The following KNTC1 variants were observed in gnomAD, a reference collection of about 807,000 sequenced individuals.
The protein encoded by KNTC1 is kinetochore-associated protein 1.
KNTC1 carries 253 observed loss-of-function variants against 314.4 expected under a neutral mutation model. That is an observed-to-expected ratio of 0.80 (90% CI 0.73 to 0.89). The LOEUF (loss-of-function observed/expected upper bound fraction) is 0.89. Ranked by LOEUF, KNTC1 falls within the 40% of genes least tolerant of loss-of-function variation. KNTC1 has a pLI of 0.00. For synonymous variants in KNTC1, 901 were observed against 901.4 expected, an observed-to-expected ratio of 1.00 and a Z score of 0.01; for missense variants, 2,475 against 2,572.9, an observed-to-expected ratio of 0.96 and a Z score of 0.82.
chr12:122,565,411 C>T (rs977156349), intron 20 of KNTC1, among the ~76,000 whole-genome samples: 5 of 151,836 alleles, frequency 3.3e-5, no homozygotes, highest in African/African-American at 9.7e-5. Flanking sequence ...TGAGCCACCA[C>T]GCCTGGACCG....
At chr12:122,542,829 A>G (rs1364310947) in intron 6 of KNTC1, among the ~76,000 whole-genome samples, 1 of 152,186 alleles carries the variant, frequency 6.6e-6, no homozygotes, top group East Asian at 1.9e-4. Flanking sequence ...AGTCTGGACC[A>G]TTTATCCCTC....
intron 21 of KNTC1, among the ~76,000 whole-genome samples, 186 bp from the exon 22 acceptor site, chr12:122,569,495 C>G (rs533997996): frequency 6.6e-6 from 1 of 152,140 alleles, no homozygotes; most frequent in Non-Finnish European, 1.5e-5. Context: ...CACTCAGCGC[C>G]GTGACATTGC....
rs577394490 is a variant in KNTC1, at chr12:122,568,158, T to C, written c.1605-103T>C. 9.1e-6 allele frequency: 6 copies of C among 656,076 alleles called. No homozygotes were observed. In the South Asian group the frequency reaches 1.2e-4, roughly 13 times the overall value. The allele number at this position is 656,076 out of a possible 1,614,324, so 40.6% of individuals were successfully genotyped here. ...TTTTAGTTTTTTGTTTTTACCTTTATGAAGAAGAAAACTAATTAAAATGCA... is the reference window on the plus strand; with the variant it reads ...TTTTAGTTTTTTGTTTTTACCTTTACGAAGAAGAAAACTAATTAAAATGCA... On this transcript the variant is annotated intron_variant, in intron 20 of 63. Transcript: ENST00000333479.
chr12:122,559,799 T>C (rs1963858897), intron 18 of KNTC1, among the ~76,000 whole-genome samples: 1 of 152,172 alleles, frequency 6.6e-6, no homozygotes, highest in Non-Finnish European at 1.5e-5. Context: ...GGTCTTGAAC[T>C]CCTGACCTCA....
chr12:122,604,482 T>C (rs748699136), intron 48 of KNTC1, 82 bp from the exon 49 acceptor site: 5 of 794,018 alleles, frequency 6.3e-6, no homozygotes, highest in South Asian at 5.7e-5. Context: ...AAAAAGTTGC[T>C]AATTTGACCA....
At chr12:122,586,497 T>C (rs560399022) in intron 37 of KNTC1, among the ~76,000 whole-genome samples, 167 of 152,254 alleles carry the variant, frequency 1.1e-3, no homozygotes, top group Non-Finnish European at 2.2e-3. Flanking sequence ...CAGTTCGCTT[T>C]AGAACTTTTT....
At chr12:122,559,569 TA>T (rs954997978) in intron 18 of KNTC1, among the ~76,000 whole-genome samples, 12 of 132,562 alleles carry the variant, frequency 9.1e-5, no homozygotes, top group Admixed American at 4.9e-4. Context: ...TTCACCTTTT[TA>T]AAAAAAAATA....
At chr12:122,619,614 G>C (rs937736264) in intron 59 of KNTC1, among the ~76,000 whole-genome samples, 9 of 151,816 alleles carry the variant, frequency 5.9e-5, no homozygotes, top group South Asian at 2.1e-4. Context: ...GGGTTTCTCC[G>C]TGTTAGCCAG....
intron 44 of KNTC1, among the ~76,000 whole-genome samples, chr12:122,598,621 G>A (rs2342083): frequency 0.96 from 145,391 of 151,914 alleles, 69,684 homozygotes; most frequent in East Asian, 1. Flanking sequence ...GAATTTCACC[G>A]TGTTGTCCAG....
chr12:122,618,593 A>G (rs946510312), intron 59 of KNTC1, 48 bp downstream of exon 59: 15 of 1,405,318 alleles, frequency 1.1e-5, no homozygotes, highest in Non-Finnish European at 1.5e-5. Context: ...TTTGTTGCTT[A>G]TAAGATTCCC....
In KNTC1 at chr12:122,576,912, T is replaced by C; in HGVS notation, c.2604T>C (p.Ile868=). The C allele has an allele frequency of 1.3e-6, 2 of 1,588,806 alleles. No homozygotes were observed. The highest frequency in any genetic ancestry group is 2.7e-5 in the African/African-American group (2 of 73,438). The part of the protein sequence containing the change: ...NKEIMRVVRY[I]LKQDVPSSLE... Reference sequence around the variant, plus strand: ...TTTTGCAGAGAGTGGTTAGATACATTCTCAAACAAGATGTCCCATCTTCTT... The same window carrying C: ...TTTTGCAGAGAGTGGTTAGATACATCCTCAAACAAGATGTCCCATCTTCTT... Residue 868 remains isoleucine, a synonymous_variant, in exon 30 of 64, where the codon ATT becomes ATC. Transcript: ENST00000333479.
At chr12:122,580,393 C>G (rs1351933013) in intron 32 of KNTC1, among the ~76,000 whole-genome samples, 1 of 152,140 alleles carries the variant, frequency 6.6e-6, no homozygotes, top group Non-Finnish European at 1.5e-5. Context: ...TTTTGTAACA[C>G]ATAAACTTCT....
At chr12:122,585,886 G>A (rs751796504) in intron 37 of KNTC1, 112 bp downstream of exon 37, 21 of 907,990 alleles carry the variant, frequency 2.3e-5, no homozygotes, top group East Asian at 7.2e-5. Flanking sequence ...CCTTATAAGC[G>A]TAATGTGGAG....
At chr12:122,530,524 C>T (rs912709479) in intron 2 of KNTC1, among the ~76,000 whole-genome samples, 2 of 151,068 alleles carry the variant, frequency 1.3e-5, no homozygotes, top group African/African-American at 4.9e-5. Context: ...GATCACGGCT[C>T]ACTGCAATCT....
rs1195384106 is a variant in KNTC1 at position 122,581,222 on chromosome 12, G to T, written c.2982+552G>T. Reference sequence around the variant, plus strand: ...AATTTTTTTTTTTTTTTTTGAGATGGAGTTTTGCTCTTGTTGCCCAGGCTG... The same window carrying T: ...AATTTTTTTTTTTTTTTTTGAGATGTAGTTTTGCTCTTGTTGCCCAGGCTG... On this transcript the variant is annotated intron_variant, in intron 33 of 63. Coordinates refer to ENST00000333479, the MANE Select transcript of KNTC1 (RefSeq NM_014708.6). Among the ~76,000 whole-genome samples, 6 of 146,784 alleles carry T rather than the reference G, an allele frequency of 4.1e-5. No homozygotes were observed. The East Asian group carries it at 1.0e-3, about 25-fold the overall frequency.
chr12:122,542,200 T>C (rs1225435220), intron 6 of KNTC1, 73 bp downstream of exon 6: 33 of 1,017,712 alleles, frequency 3.2e-5, no homozygotes, highest in Non-Finnish European at 4.5e-5. Context: ...AATAGTAAAA[T>C]TTTAAGTACT....
chr12:122,625,004 A>G (rs1004064276), intron 63 of KNTC1, among the ~76,000 whole-genome samples: 2 of 152,232 alleles, frequency 1.3e-5, no homozygotes, highest in Admixed American at 6.5e-5. Context: ...AAGCAGGTGA[A>G]AAACTGAATT....
intron 3 of KNTC1, among the ~76,000 whole-genome samples, chr12:122,538,017 C>A (rs775798935): frequency 6.6e-6 from 1 of 151,966 alleles, no homozygotes; most frequent in Non-Finnish European, 1.5e-5. Context: ...ACCTGTGGTC[C>A]CAGCTACCTG....
At chr12:122,573,458 G>C (rs1299694223) in intron 26 of KNTC1, among the ~76,000 whole-genome samples, 173 bp downstream of exon 26, 1 of 152,120 alleles carries the variant, frequency 6.6e-6, no homozygotes, top group Non-Finnish European at 1.5e-5. Flanking sequence ...GAGCAAAGGG[G>C]GGATACATGA....
Sources: allele counts gnomAD v4.1 joint callset (sites outside exome capture counted in the v4.1 genomes callset), GRCh38; gene constraint gnomAD v4.1.1; transcripts MANE v1.5; gene names NCBI Gene and HGNC (gene_info 2026-07-23, HGNC 2026-07-21).